DNAAF9: variants seen among roughly 807,000 people sequenced by gnomAD.
DNAAF9 encodes the protein dynein axonemal assembly factor 9, also known as shulin.
A neutral mutation model predicts 167.0 loss-of-function variants in DNAAF9; 90 were observed. That is an observed-to-expected ratio of 0.54 (90% CI 0.45 to 0.64). The LOEUF (loss-of-function observed/expected upper bound fraction) is 0.64. DNAAF9 is among the 30% of genes least tolerant of loss of function. DNAAF9 has a pLI of 0.00. For synonymous variants in DNAAF9, 491 were observed against 508.8 expected, an observed-to-expected ratio of 0.96 and a Z score of 0.47; for missense variants, 1,315 against 1,442.2, an observed-to-expected ratio of 0.91 and a Z score of 1.43.
chr20:3,292,786 G>T (rs2068985635), intron 25 of DNAAF9, among the ~76,000 whole-genome samples: 1 of 139,766 alleles, frequency 7.2e-6, no homozygotes, highest in South Asian at 2.2e-4. Context: ...AAAAAAAAAA[G>T]CCAGGTATGG....
chr20:3,253,837 C>T lies in DNAAF9; in HGVS notation c.3328-18G>A. On this transcript the variant is annotated intron_variant, in intron 35 of 36. Transcript: ENST00000252032. Reference sequence around the variant, plus strand: ...CGTTTTACCTGTAGGAGAAAAGAGACCTGTAATAATTATCTGACTACTTTC... The same window carrying T: ...CGTTTTACCTGTAGGAGAAAAGAGATCTGTAATAATTATCTGACTACTTTC... 1.5e-6 allele frequency: 2 copies of T among 1,350,586 alleles called. No individual in the cohort carries two copies. Among genetic ancestry groups the T allele is most frequent in the East Asian group, 2.3e-5 (1 of 43,642 alleles). The allele number at this position is 1,350,586 out of a possible 1,614,324, so 83.7% of individuals were successfully genotyped here. A position where few individuals can be genotyped will look rare whatever the true frequency, so the allele number is the denominator to read the frequency against.
intron 30 of DNAAF9, among the ~76,000 whole-genome samples, chr20:3,268,330 C>G (rs1236458590): frequency 6.7e-6 from 1 of 148,990 alleles, no homozygotes; most frequent in African/African-American, 2.5e-5. Context: ...TCACTGTGCC[C>G]GGCCCCTTTT....
At chr20:3,286,299 C>A (rs1379862955) in intron 27 of DNAAF9, among the ~76,000 whole-genome samples, 1 of 152,194 alleles carries the variant, frequency 6.6e-6, no homozygotes, top group Non-Finnish European at 1.5e-5. Context: ...TCTGGTCACA[C>A]TGTCACTGTA....
At chr20:3,255,337 T>C (rs1337720656) in intron 34 of DNAAF9, 53 bp from the exon 35 acceptor site, 5 of 1,173,018 alleles carry the variant, frequency 4.3e-6, no homozygotes, top group Non-Finnish European at 6.2e-6. Context: ...ATGGAGTGCA[T>C]GGGCAGGGGA....
At chr20:3,343,976 A>G (rs1264762232) in intron 8 of DNAAF9, among the ~76,000 whole-genome samples, 2 of 152,136 alleles carry the variant, frequency 1.3e-5, no homozygotes, top group African/African-American at 2.4e-5. Flanking sequence ...AATTTTAGGA[A>G]TAAGTGGCAA....
intron 23 of DNAAF9, chr20:3,296,004 C>A: frequency 1.4e-6 from 2 of 1,420,770 alleles, no homozygotes; most frequent in Non-Finnish European, 2.0e-6. Context: ...ATGTTGTACA[C>A]ATCGGGAACT....
At chr20:3,391,867 C>A (rs948657133) in intron 1 of DNAAF9, among the ~76,000 whole-genome samples, 4 of 152,156 alleles carry the variant, frequency 2.6e-5, no homozygotes, top group Non-Finnish European at 4.4e-5. Flanking sequence ...GCGTGAGCCA[C>A]CACGCCTGGC....
chr20:3,270,489 G>GCT lies in DNAAF9; in HGVS notation c.2722_2723dup (p.Ser908ArgfsTer29). The GCT allele has an allele frequency of 6.2e-7, 1 of 1,613,086 alleles. No individual in the cohort carries two copies. Among genetic ancestry groups the GCT allele is most frequent in the Non-Finnish European group, 8.5e-7 (1 of 1,179,188 alleles). ...CAGCAGGATTGGCAGCCCTGATGAG[G>GCT]CTCTGCAGCTGAACAAGGAGAGGGT... On this transcript the variant is annotated frameshift_variant, in exon 30 of 37. Coordinates refer to ENST00000252032, the MANE Select transcript of DNAAF9 (RefSeq NM_001009984.3). LOFTEE classifies it high-confidence loss of function.
Position 3,401,204 on chromosome 20 carries a change from T to C in DNAAF9, c.83+6271A>G, listed in dbSNP as rs537640388. ...CTAGAGTATCACTATCATGAATCAC[T>C]TTCTTTTTTTTTTATTTTTGAGACA... On this transcript the variant is annotated intron_variant, in intron 1 of 36. Coordinates refer to ENST00000252032, the MANE Select transcript of DNAAF9 (RefSeq NM_001009984.3). 1.7e-3 allele frequency among the ~76,000 whole-genome samples: 265 copies of C among 152,150 alleles called. 2 individuals are homozygous for C. Among genetic ancestry groups the C allele is most frequent in the Non-Finnish European group, 3.2e-3 (219 of 68,014 alleles).
At chr20:3,324,381 G>C (rs1420449291) in intron 14 of DNAAF9, among the ~76,000 whole-genome samples, 2 of 152,124 alleles carry the variant, frequency 1.3e-5, no homozygotes, top group Non-Finnish European at 2.9e-5. Context: ...GGTTCATGAA[G>C]ATTTAGCTAT....
chr20:3,296,117 C>T, intron 23 of DNAAF9: 1 of 662,020 alleles, frequency 1.5e-6, no homozygotes, highest in South Asian at 1.4e-5. Context: ...ATGCACTTTA[C>T]ATGTACAAGG....
At chr20:3,326,542 G>A (rs148911404) in intron 12 of DNAAF9, among the ~76,000 whole-genome samples, 1 of 151,692 alleles carries the variant, frequency 6.6e-6, no homozygotes, top group Non-Finnish European at 1.5e-5. Flanking sequence ...GACCAGCCTG[G>A]GCAACATGAC....
At chr20:3,394,549 T>C (rs1344773156) in intron 1 of DNAAF9, among the ~76,000 whole-genome samples, 1 of 152,150 alleles carries the variant, frequency 6.6e-6, no homozygotes, top group Non-Finnish European at 1.5e-5. Flanking sequence ...AAATGTCAAA[T>C]TTCATTCTAA....
intron 29 of DNAAF9, among the ~76,000 whole-genome samples, chr20:3,274,897 G>T (rs950571498): frequency 6.6e-6 from 1 of 152,206 alleles, no homozygotes; most frequent in Admixed American, 6.5e-5. Flanking sequence ...TAGATGGGGG[G>T]CAAGGAATAG....
intron 11 of DNAAF9, 144 bp from the exon 12 acceptor site, chr20:3,330,826 T>G: frequency 1.8e-6 from 1 of 565,066 alleles, no homozygotes; most frequent in Non-Finnish European, 3.2e-6. Context: ...CAGTTTAGCT[T>G]TGTCGCCCAG....
At chr20:3,350,795 GAT>G (rs760932192) in intron 7 of DNAAF9, among the ~76,000 whole-genome samples, 13 of 152,112 alleles carry the variant, frequency 8.5e-5, no homozygotes, top group African/African-American at 1.2e-4. Flanking sequence ...ATTATCCAAA[GAT>G]AGAAAAATTT....
Position 3,251,095 on chromosome 20 carries a change from T to C in DNAAF9, c.*1477A>G, listed in dbSNP as rs2068186924. 1 of 152,016 alleles carries C rather than the reference T, an allele frequency of 6.6e-6. No homozygotes were observed. The highest frequency in any genetic ancestry group is 2.1e-4 in the South Asian group (1 of 4,816). 9.4% of individuals were successfully genotyped at this position (152,016 alleles called of 1,614,324 possible). ...TTCAGAAGCCCTTCTTGATGCAAAA[T>C]TTCTTATCAATGGTATCTGGAGTTT... On this transcript the variant is annotated 3_prime_UTR_variant, in exon 37 of 37. Coordinates refer to ENST00000252032, the MANE Select transcript of DNAAF9 (RefSeq NM_001009984.3).
intron 30 of DNAAF9, among the ~76,000 whole-genome samples, chr20:3,269,029 A>AAGT (rs1315478004): frequency 6.8e-6 from 1 of 148,058 alleles, no homozygotes; most frequent in African/African-American, 2.5e-5. Flanking sequence ...TCAGCCTCCC[A>AAGT]AGTAGCTGGG....
Position 3,348,617 on chromosome 20 carries a change from C to T in DNAAF9, c.697G>A (p.Val233Met). 1.3e-6 allele frequency: 2 copies of T among 1,590,062 alleles called. No homozygotes were observed. Among genetic ancestry groups the T allele is most frequent in the Non-Finnish European group, 8.6e-7 (1 of 1,167,770 alleles). ...SLESLLSDDL[V>M]AFEHQWTSFF... ...CTAGTCCACTGATGTTCAAAAGCCA[C>T]CAAATCCTGGGAAAAAAAGGAAAAA... is the stretch of plus-strand genomic sequence containing the variant. The change falls in exon 8 of 37, where the codon GTG (valine) becomes ATG (methionine). Residue 233 changes from valine to methionine, a missense_variant. Around this residue, in one of 2 missense-constraint regions of DNAAF9, gnomAD observed 981 missense variants for 1,012.5 expected, o/e 0.97. Coordinates refer to ENST00000252032, the MANE Select transcript of DNAAF9 (RefSeq NM_001009984.3).
Sources: gnomAD v4.1 joint callset for allele counts (sites outside exome capture counted in the v4.1 genomes callset) on GRCh38, gnomAD v4.1.1 for gene constraint, gnomAD v4.1.1 regional missense constraint, MANE v1.5 for transcripts, NCBI Gene and HGNC (gene_info 2026-07-23, HGNC 2026-07-21) for gene names.